Variants in ADGRL3 observed in about 807,000 individuals in gnomAD.
The protein encoded by ADGRL3 is calcium-independent alpha-latrotoxin receptor 3.
Under a neutral mutation model 153.5 loss-of-function variants are expected in ADGRL3, and 62 were observed. That is an observed-to-expected ratio of 0.40 (90% CI 0.33 to 0.50). ADGRL3 has a LOEUF of 0.50. Ranked by LOEUF, ADGRL3 falls within the 20% of genes least tolerant of loss-of-function variation. The pLI, the probability that ADGRL3 is intolerant of heterozygous loss-of-function variation, is 0.47. For synonymous variants in ADGRL3, 710 were observed against 672.5 expected, an observed-to-expected ratio of 1.06 and a Z score of -0.86; for missense variants, 1,641 against 1,859.4, an observed-to-expected ratio of 0.88 and a Z score of 2.16.
chr4:61,751,083 A>G (rs1221662741), intron 8 of ADGRL3, among the ~76,000 whole-genome samples: 8 of 152,152 alleles, frequency 5.3e-5, no homozygotes, highest in Non-Finnish European at 7.3e-5. Flanking sequence ...CCTATAGTGA[A>G]GTGTATATGC....
chr4:61,240,998 G>A (rs976036051), intron 1 of ADGRL3, among the ~76,000 whole-genome samples: 4 of 151,866 alleles, frequency 2.6e-5, no homozygotes, highest in East Asian at 1.9e-4. Context: ...TTAATCTTAT[G>A]CATTAGTTCA....
intron 1 of ADGRL3, among the ~76,000 whole-genome samples, chr4:61,298,190 T>G (rs912558195): frequency 3.3e-5 from 5 of 152,200 alleles, no homozygotes; most frequent in African/African-American, 1.2e-4. Flanking sequence ...TATTAACCTC[T>G]CTGTGTAAAA....
intron 23 of ADGRL3, among the ~76,000 whole-genome samples, chr4:62,032,582 A>G (rs1319000986): frequency 6.6e-6 from 1 of 151,672 alleles, no homozygotes; most frequent in Non-Finnish European, 1.5e-5. Flanking sequence ...AATGAAATAG[A>G]AAATTATGTT....
rs181196695 is a variant in ADGRL3 at position 61,638,776 on chromosome 4, A to G, written c.474-38050A>G. Among the ~76,000 whole-genome samples the G allele has an allele frequency of 9.2e-5, 14 of 152,286 alleles. No homozygotes were observed. In the East Asian group the frequency reaches 2.5e-3, roughly 27 times the overall value. ...CCTGTAGAGGCATAATGTTGCTCAT[A>G]TGTTTATCCAGAATTGGTGACGTGA... is the stretch of plus-strand genomic sequence containing the variant. On this transcript the variant is annotated intron_variant, in intron 5 of 26. Transcript: ENST00000683033.
At chr4:61,557,777 C>A (rs1476601118) in intron 4 of ADGRL3, among the ~76,000 whole-genome samples, 1 of 151,362 alleles carries the variant, frequency 6.6e-6, no homozygotes, top group Non-Finnish European at 1.5e-5. Context: ...AATCATTGAT[C>A]AGGGTTTCAG....
chr4:61,498,619 T>C (rs910863531), intron 3 of ADGRL3, among the ~76,000 whole-genome samples: 1 of 152,042 alleles, frequency 6.6e-6, no homozygotes, highest in African/African-American at 2.4e-5. Context: ...TAAAGAAAGG[T>C]GTGATTATGG....
rs1745916279 is a variant in ADGRL3 at position 62,072,269 on chromosome 4, A to G, written c.*1361A>G. ...ATTAACAGGAAAATTTATTTATTTG[A>G]CAGGATTTTGAGTAATGTAGGAATA... On this transcript the variant is annotated 3_prime_UTR_variant, in exon 27 of 27. Transcript: ENST00000683033. The G allele has an allele frequency of 6.6e-6, 1 of 152,592 alleles. No homozygotes were observed. Among genetic ancestry groups the G allele is most frequent in the Non-Finnish European group, 1.5e-5 (1 of 68,022 alleles). The allele number at this position is 152,592 out of a possible 1,614,324, so 9.5% of individuals were successfully genotyped here.
At chr4:61,503,185 C>A (rs2098403701) in intron 3 of ADGRL3, among the ~76,000 whole-genome samples, 1 of 152,042 alleles carries the variant, frequency 6.6e-6, no homozygotes, top group African/African-American at 2.4e-5. Context: ...CCCAAATACT[C>A]AGTATGCAGG....
intron 2 of ADGRL3, among the ~76,000 whole-genome samples, chr4:61,432,793 A>G (rs1290823580): frequency 2.0e-5 from 3 of 150,734 alleles, no homozygotes; most frequent in Non-Finnish European, 4.4e-5. Flanking sequence ...AGCTGGGGTT[A>G]TAGGCATGAG....
At chr4:61,871,255 G>C (rs2098443838) in intron 9 of ADGRL3, among the ~76,000 whole-genome samples, 1 of 151,202 alleles carries the variant, frequency 6.6e-6, no homozygotes, top group African/African-American at 2.4e-5. Context: ...TCCAGCCTGG[G>C]TGACAGAGTG....
intron 17 of ADGRL3, among the ~76,000 whole-genome samples, chr4:61,949,721 A>C (rs2098939871): frequency 6.6e-6 from 1 of 152,094 alleles, no homozygotes; most frequent in Admixed American, 6.6e-5. Context: ...CTTAAAATAT[A>C]ACTTCATAGT....
At chr4:61,583,928 G>A (rs2098936116) in intron 4 of ADGRL3, among the ~76,000 whole-genome samples, 1 of 151,926 alleles carries the variant, frequency 6.6e-6, no homozygotes, top group Middle Eastern at 3.2e-3. Flanking sequence ...CCAATGCAAT[G>A]TTAACCTGGC....
At chr4:61,919,929 G>A (rs893592335) in intron 13 of ADGRL3, among the ~76,000 whole-genome samples, 1 of 152,188 alleles carries the variant, frequency 6.6e-6, no homozygotes, top group African/African-American at 2.4e-5. Context: ...GAATGCCTCA[G>A]AAAGTAATTC....
intron 2 of ADGRL3, among the ~76,000 whole-genome samples, chr4:61,446,540 C>G (rs968360083): frequency 2.0e-5 from 3 of 152,154 alleles, no homozygotes; most frequent in Non-Finnish European, 2.9e-5. Context: ...TCTACTACAT[C>G]TACATAGAGG....
intron 1 of ADGRL3, among the ~76,000 whole-genome samples, chr4:61,340,846 A>AT (rs1491498792): frequency 1.6e-3 from 244 of 151,198 alleles, no homozygotes; most frequent in African/African-American, 5.0e-3. Context: ...ATATATATAT[A>AT]AAATATTATA....
chr4:61,266,930 TA>T (rs775105694), intron 1 of ADGRL3, among the ~76,000 whole-genome samples: 4 of 151,732 alleles, frequency 2.6e-5, no homozygotes, highest in Non-Finnish European at 5.9e-5. Context: ...GGACTATCAC[TA>T]ATCAATTTAT....
At chr4:61,235,164 A>G (rs1007935138) in intron 1 of ADGRL3, among the ~76,000 whole-genome samples, 1 of 152,128 alleles carries the variant, frequency 6.6e-6, no homozygotes, top group African/African-American at 2.4e-5. Context: ...ACACTCAGTA[A>G]ATGTTAAGTC....
rs112893408 is a variant in ADGRL3, at chr4:61,825,071, G to A, written c.1480+11182G>A. Among the ~76,000 whole-genome samples the A allele has an allele frequency of 6.3e-4, 96 of 152,238 alleles. No homozygotes were observed. In the Middle Eastern group the frequency reaches 0.01, roughly 16 times the overall value. On this transcript the variant is annotated intron_variant, in intron 9 of 26. Coordinates refer to ENST00000683033, the MANE Select transcript of ADGRL3 (RefSeq NM_001387552.1). ...AATGCCAAGAAGCACTTTTCTCTTTGCTAGTGATAGCTCTGGGTCCAGCAA... is the reference window on the plus strand; with the variant it reads ...AATGCCAAGAAGCACTTTTCTCTTTACTAGTGATAGCTCTGGGTCCAGCAA...
chr4:61,914,271 G>A (rs751382786), intron 13 of ADGRL3, among the ~76,000 whole-genome samples: 1 of 152,048 alleles, frequency 6.6e-6, no homozygotes, highest in Non-Finnish European at 1.5e-5. Flanking sequence ...TGTCTATTAC[G>A]ATTATGCGTG....
Sources: allele counts gnomAD v4.1 joint callset (sites outside exome capture counted in the v4.1 genomes callset), GRCh38; gene constraint gnomAD v4.1.1; transcripts MANE v1.5; gene names NCBI Gene and HGNC (gene_info 2026-07-23, HGNC 2026-07-21).